SSX2IP: variants seen among roughly 807,000 people sequenced by gnomAD.
SSX2IP encodes SSX family member 2 interacting protein, also known as afadin- and alpha-actinin-binding protein.
SSX2IP carries 55 observed loss-of-function variants against 84.9 expected under a neutral mutation model. The observed-to-expected ratio is 0.65, with a 90% confidence interval of 0.52 to 0.81. SSX2IP has a LOEUF of 0.81. Among genes scored for constraint, SSX2IP ranks in the 30% least tolerant of loss-of-function variants. The probability of loss-of-function intolerance (pLI) is 0.00; values close to 1 mark genes in which losing one functional copy is unlikely to be tolerated. For missense variants in SSX2IP, 664 were observed against 705.2 expected, an observed-to-expected ratio of 0.94 and a Z score of 0.66; for synonymous variants, 239 against 234.7, an observed-to-expected ratio of 1.02 and a Z score of -0.17.
intron 13 of SSX2IP, among the ~76,000 whole-genome samples, chr1:84,648,303 A>C (rs902946230): frequency 1.3e-5 from 2 of 152,226 alleles, no homozygotes; most frequent in African/African-American, 2.4e-5. Flanking sequence ...TTTTATTCTT[A>C]GAGGCTAGTT....
intron 4 of SSX2IP, among the ~76,000 whole-genome samples, chr1:84,666,862 C>G (rs1652840564): frequency 6.6e-6 from 1 of 152,128 alleles, no homozygotes; most frequent in Admixed American, 6.5e-5. Context: ...GTGCCGAGTT[C>G]TGCATGAGGC....
chr1:84,656,736 C>T (rs1430208900), intron 9 of SSX2IP, among the ~76,000 whole-genome samples: 2 of 152,146 alleles, frequency 1.3e-5, no homozygotes, highest in Non-Finnish European at 2.9e-5. Context: ...GACAATTACA[C>T]ATTTGTGCAA....
chr1:84,664,397 G>C lies in SSX2IP; in HGVS notation c.673+20C>G, dbSNP rs1466672091. The C allele has an allele frequency of 6.4e-7, 1 of 1,562,778 alleles. No homozygotes were observed. The highest frequency in any genetic ancestry group is 8.6e-7 in the Non-Finnish European group (1 of 1,161,976). On this transcript the variant is annotated intron_variant, in intron 6 of 13. Transcript: ENST00000342203. ...TATTAGCTTATTTATTCTCTTAGCT[G>C]ATCTTTGCCAGCTGTTTACCTATTT...
chr1:84,654,604 T>C (rs1042961403), intron 11 of SSX2IP, among the ~76,000 whole-genome samples: 16 of 152,132 alleles, frequency 1.1e-4, no homozygotes, highest in African/African-American at 3.6e-4. Flanking sequence ...AGCTGAAATC[T>C]GATTCAGGAA....
At chr1:84,671,646 T>C (rs941728228) in intron 1 of SSX2IP, among the ~76,000 whole-genome samples, 8 of 152,282 alleles carry the variant, frequency 5.3e-5, no homozygotes, top group African/African-American at 1.9e-4. Flanking sequence ...TACAATTATA[T>C]AGATAAGATG....
In SSX2IP at chr1:84,656,337, T is replaced by C. The variant is rs1469853719; in HGVS notation, c.1215+11A>G. 1 of 1,608,536 alleles carries C rather than the reference T, an allele frequency of 6.2e-7. No homozygotes were observed. Among genetic ancestry groups the C allele is most frequent in the Non-Finnish European group, 8.5e-7 (1 of 1,178,198 alleles). On this transcript the variant is annotated intron_variant, in intron 10 of 13. Transcript: ENST00000342203. ...CATGGAGAACAGCTTTAAAAGGTAA[T>C]TCATATTCACCTGTAAAAGCTGTTG...
At chr1:84,656,975 A>G (rs563249452) in intron 9 of SSX2IP, among the ~76,000 whole-genome samples, 1 of 152,336 alleles carries the variant, frequency 6.6e-6, no homozygotes, top group East Asian at 1.9e-4. Context: ...CATACTTGCT[A>G]TTTGATAATA....
chr1:84,657,549 T>C (rs145964388), intron 9 of SSX2IP, among the ~76,000 whole-genome samples: 3 of 151,190 alleles, frequency 2.0e-5, no homozygotes, highest in African/African-American at 7.4e-5. Context: ...TATTTCTTGA[T>C]TTTTGAGAGT....
chr1:84,666,878 A>G (rs1189383711), intron 4 of SSX2IP, among the ~76,000 whole-genome samples: 1 of 152,176 alleles, frequency 6.6e-6, no homozygotes, highest in African/African-American at 2.4e-5. Context: ...GAGGCCACCC[A>G]TATGGAATAT....
intron 1 of SSX2IP, among the ~76,000 whole-genome samples, chr1:84,673,626 A>G (rs549302745): frequency 6.6e-6 from 1 of 152,164 alleles, no homozygotes; most frequent in Non-Finnish European, 1.5e-5. Context: ...AGGCTACTAC[A>G]ATAGTTCAGG....
intron 1 of SSX2IP, chr1:84,690,018 C>G (rs1656368897): frequency 6.6e-6 from 1 of 152,468 alleles, no homozygotes; most frequent in Non-Finnish European, 1.5e-5. Flanking sequence ...CCCCACGTCC[C>G]CGCGCTGCTC....
chr1:84,650,210 C>T (rs1275992783), intron 13 of SSX2IP, 152 bp downstream of exon 13: 21 of 726,924 alleles, frequency 2.9e-5, no homozygotes, highest in Non-Finnish European at 4.9e-5. Context: ...ATATACTGGA[C>T]ACTCAATATT....
chr1:84,671,432 T>A, intron 1 of SSX2IP, 124 bp from the exon 2 acceptor site: 2 of 633,204 alleles, frequency 3.2e-6, no homozygotes, highest in South Asian at 6.5e-5. Flanking sequence ...CCTATTCCCA[T>A]GCACAGATAT....
At chr1:84,677,373 G>GT (rs1654507462) in intron 1 of SSX2IP, among the ~76,000 whole-genome samples, 1 of 152,088 alleles carries the variant, frequency 6.6e-6, no homozygotes, top group African/African-American at 2.4e-5. Context: ...AATCACATCT[G>GT]TTTTTTCCAT....
intron 4 of SSX2IP, among the ~76,000 whole-genome samples, chr1:84,666,952 CA>C (rs1485848303): frequency 3.9e-5 from 6 of 152,156 alleles, no homozygotes; most frequent in African/African-American, 9.6e-5. Flanking sequence ...CTTAACCGAC[CA>C]TAAATAATAA....
intron 4 of SSX2IP, among the ~76,000 whole-genome samples, chr1:84,669,248 G>T (rs2102412296): frequency 6.6e-6 from 1 of 151,910 alleles, no homozygotes; most frequent in South Asian, 2.1e-4. Flanking sequence ...GGCTTCTAAG[G>T]GAAGTTATCT....
chr1:84,680,939 G>A (rs1334898136), intron 1 of SSX2IP, among the ~76,000 whole-genome samples: 2 of 152,058 alleles, frequency 1.3e-5, no homozygotes, highest in South Asian at 2.1e-4. Flanking sequence ...ACAGGAAATG[G>A]GGATAAACAG....
chr1:84,664,044 G>T (rs1652421582), intron 6 of SSX2IP, among the ~76,000 whole-genome samples: 1 of 152,062 alleles, frequency 6.6e-6, no homozygotes, highest in South Asian at 2.1e-4. Context: ...GAACGATTTG[G>T]TCTGATGAAA....
intron 1 of SSX2IP, among the ~76,000 whole-genome samples, chr1:84,689,813 T>TAG (rs1287785342): frequency 6.6e-6 from 1 of 152,232 alleles, no homozygotes; most frequent in Non-Finnish European, 1.5e-5. Context: ...CACACATGCC[T>TAG]GCCTCTTGGA....
Sources: allele counts gnomAD v4.1 joint callset (sites outside exome capture counted in the v4.1 genomes callset), GRCh38; gene constraint gnomAD v4.1.1; transcripts MANE v1.5; gene names NCBI Gene and HGNC (gene_info 2026-07-23, HGNC 2026-07-21).